Variants in CDKL1 observed in about 807,000 individuals in gnomAD.
The protein encoded by CDKL1 is cyclin-dependent kinase-like 1.
CDKL1 carries 41 observed loss-of-function variants against 42.0 expected under a neutral mutation model. The observed-to-expected ratio is 0.98, with a 90% CI of 0.76 to 1.27. The LOEUF is 1.27. Ranked by LOEUF, CDKL1 falls within the 50% of genes most tolerant of loss-of-function variation. The pLI is 0.00. For missense variants in CDKL1, 394 were observed against 428.4 expected (o/e 0.92, Z 0.71); for synonymous variants, 153 against 158.6 (o/e 0.96, Z 0.26).
chr14:50,382,564 C>A (rs577830570), intron 2 of CDKL1, among the ~76,000 whole-genome samples: 1 of 141,876 alleles, frequency 7.0e-6, no homozygotes, highest in Non-Finnish European at 1.5e-5. Context: ...TTCCTTCCCT[C>A]CCTCCCTCCC....
chr14:50,345,127 A>C, intron 3 of CDKL1, 69 bp from the exon 4 acceptor site: 1 of 1,428,198 alleles, frequency 7.0e-7, no homozygotes, highest in Middle Eastern at 1.8e-4. Context: ...AGAAAAGAAA[A>C]AATAAACGAA....
At chr14:50,366,728 G>A (rs549338068) in intron 2 of CDKL1, among the ~76,000 whole-genome samples, 16 of 151,520 alleles carry the variant, frequency 1.1e-4, no homozygotes, top group Non-Finnish European at 2.2e-4. Flanking sequence ...AGAATAGTCC[G>A]GATGTGGTGA....
At chr14:50,385,548 G>C (rs1285144527) in intron 2 of CDKL1, among the ~76,000 whole-genome samples, 1 of 152,108 alleles carries the variant, frequency 6.6e-6, no homozygotes, top group Non-Finnish European at 1.5e-5. Flanking sequence ...GCTCACACCT[G>C]TAATCCCAGC....
At chr14:50,374,042 A>G (rs2034660654) in intron 2 of CDKL1, among the ~76,000 whole-genome samples, 1 of 152,238 alleles carries the variant, frequency 6.6e-6, no homozygotes, top group South Asian at 2.1e-4. Flanking sequence ...TCCTATAGGA[A>G]AAAGGATGAA....
chr14:50,385,154 C>T (rs995071476), intron 2 of CDKL1, among the ~76,000 whole-genome samples: 12 of 144,384 alleles, frequency 8.3e-5, no homozygotes, highest in African/African-American at 3.1e-4. Context: ...GCCACAGTTT[C>T]AAAATATCAC....
chr14:50,331,586 T>C (rs1162836940), intron 9 of CDKL1: 1 of 169,520 alleles, frequency 5.9e-6, no homozygotes, highest in African/African-American at 2.4e-5. Context: ...TAAGGCAAGA[T>C]AATGTATAGC....
chr14:50,388,586 A>G (rs1294641300), intron 2 of CDKL1, among the ~76,000 whole-genome samples: 13 of 152,160 alleles, frequency 8.5e-5, no homozygotes, highest in Admixed American at 6.5e-4. Context: ...TTCCTCTTCT[A>G]TGTTTACTCC....
chr14:50,334,798 C>T, intron 7 of CDKL1, 177 bp from the exon 8 acceptor site: 4 of 555,616 alleles, frequency 7.2e-6, no homozygotes, highest in Non-Finnish European at 1.3e-5. Context: ...GCTTTCTCTC[C>T]CCACCTCCAA....
intron 4 of CDKL1, among the ~76,000 whole-genome samples, chr14:50,344,510 T>A (rs1364668900): frequency 6.9e-6 from 1 of 145,582 alleles, no homozygotes; most frequent in Non-Finnish European, 1.5e-5. Context: ...CATTCTGTCA[T>A]CCAGGTTGGA....
intron 2 of CDKL1, among the ~76,000 whole-genome samples, chr14:50,365,579 T>G (rs2034414770): frequency 6.6e-6 from 1 of 152,130 alleles, no homozygotes; most frequent in African/African-American, 2.4e-5. Context: ...ATAGCACCCT[T>G]ATGAAGCCAG....
At chr14:50,391,979 G>T (rs996516575) in intron 2 of CDKL1, among the ~76,000 whole-genome samples, 1 of 151,982 alleles carries the variant, frequency 6.6e-6, no homozygotes, top group Non-Finnish European at 1.5e-5. Flanking sequence ...TGTTCCTCTC[G>T]TCTCTCTTAA....
At chr14:50,379,511 A>T (rs1249304450) in intron 2 of CDKL1, among the ~76,000 whole-genome samples, 2 of 152,174 alleles carry the variant, frequency 1.3e-5, no homozygotes, top group African/African-American at 4.8e-5. Flanking sequence ...GAAAGTGATA[A>T]GATTCCAGAG....
chr14:50,373,658 A>C (rs1196401237), intron 2 of CDKL1, among the ~76,000 whole-genome samples: 1 of 152,248 alleles, frequency 6.6e-6, no homozygotes, highest in African/African-American at 2.4e-5. Context: ...GGAAATTTTA[A>C]ACATATGAAA....
intron 4 of CDKL1, chr14:50,343,180 G>C (rs1182572976): frequency 1.1e-5 from 3 of 279,902 alleles, no homozygotes; most frequent in Admixed American, 7.8e-5. Context: ...TTTTTGAGTT[G>C]GGTCAAAATA....
intron 2 of CDKL1, chr14:50,377,619 C>A (rs758047427): frequency 7.4e-7 from 1 of 1,348,586 alleles, no homozygotes; most frequent in Non-Finnish European, 9.8e-7. Context: ...GCAACAAGGA[C>A]CCCACTGCTG....
At chr14:50,342,862 C>T in intron 4 of CDKL1, 1 of 1,246,264 alleles carries the variant, frequency 8.0e-7, no homozygotes, top group Non-Finnish European at 1.0e-6. Context: ...CCAGCTCTGA[C>T]ATTCATCCGG....
At chr14:50,393,911 GTTTAT>G (rs1384933602) in intron 2 of CDKL1, among the ~76,000 whole-genome samples, 2 of 152,166 alleles carry the variant, frequency 1.3e-5, no homozygotes, top group African/African-American at 4.8e-5. Flanking sequence ...TTTGTTAAGA[GTTTAT>G]TTTGTTAACT....
At chr14:50,358,297 G>T (rs1304729454) in intron 3 of CDKL1, among the ~76,000 whole-genome samples, 8 of 152,184 alleles carry the variant, frequency 5.3e-5, no homozygotes, top group East Asian at 1.9e-4. Context: ...ATACAGCAGA[G>T]TAGACACCCG....
chr14:50,341,041 T>C lies in CDKL1; in HGVS notation c.646A>G (p.Lys216Glu). The change falls in exon 6 of 10, where the codon AAG (lysine) becomes GAG (glutamate). Residue 216 changes from lysine (K) to glutamate (E), a missense_variant. By Grantham distance (56) the Lys-to-Glu change is moderately conservative (BLOSUM62 1). Coordinates refer to ENST00000395834, the MANE Select transcript of CDKL1 (RefSeq NM_004196.7). ...SDVDQLYLIR[K>E]TLGDLIPRHQ... The stretch of plus-strand genomic sequence containing the variant: ...CAAAAACACCACTTACCCAAGGTCT[T>C]CCTAATCAGATACAGCTGATCCACA... The C allele has an allele frequency of 6.2e-7, 1 of 1,612,950 alleles. No individual in the cohort carries two copies. Among genetic ancestry groups the C allele is most frequent in the South Asian group, 1.1e-5 (1 of 91,080 alleles).
Sources: gnomAD v4.1 joint callset for allele counts (sites outside exome capture counted in the v4.1 genomes callset) on GRCh38, gnomAD v4.1.1 for gene constraint, MANE v1.5 for transcripts, NCBI Gene and HGNC (gene_info 2026-07-23, HGNC 2026-07-21) for gene names.